The following LOC128462377 variants were observed in gnomAD, a reference collection of about 807,000 sequenced individuals.
chr16:89,350,480 A>C, the LOC128462377 span, among the ~76,000 whole-genome samples: 1 of 152,248 alleles, frequency 6.6e-6, no homozygotes, highest in Non-Finnish European at 1.5e-5. Context: ...GCTACTCAGT[A>C]AACTACTGAC....
chr16:89,380,805 G>A, the LOC128462377 span, among the ~76,000 whole-genome samples: 1 of 152,244 alleles, frequency 6.6e-6, no homozygotes, highest in Non-Finnish European at 1.5e-5. Flanking sequence ...ACCACCACGA[G>A]CACTGGGGCT....
the LOC128462377 span, among the ~76,000 whole-genome samples, chr16:89,388,803 C>T: frequency 1.3e-5 from 2 of 152,158 alleles, no homozygotes; most frequent in Non-Finnish European, 2.9e-5. Flanking sequence ...GAAGAAGGTT[C>T]TGGAAGGCAC....
chr16:89,388,292 G>GGTTTTTTTTTT, the LOC128462377 span, among the ~76,000 whole-genome samples: 1 of 61,052 alleles, frequency 1.6e-5, no homozygotes, highest in South Asian at 5.1e-4. Flanking sequence ...CCATGAGGCT[G>GGTTTTTTTTTT]ATTTTTTTTT....
the LOC128462377 span, among the ~76,000 whole-genome samples, chr16:89,322,757 C>T: frequency 1.3e-5 from 2 of 152,140 alleles, no homozygotes; most frequent in Non-Finnish European, 2.9e-5. Context: ...CACGTCGGCC[C>T]TGGGCACAGC....
chr16:89,317,649 C>T, the LOC128462377 span, among the ~76,000 whole-genome samples: 3 of 152,196 alleles, frequency 2.0e-5, no homozygotes, highest in Admixed American at 6.5e-5. Flanking sequence ...CCAGCAGCTC[C>T]GAGGTCCCAA....
At chr16:89,377,558 T>C in the LOC128462377 span, among the ~76,000 whole-genome samples, 13 of 152,144 alleles carry the variant, frequency 8.5e-5, no homozygotes, top group African/African-American at 2.7e-4. Flanking sequence ...CCAGAGAAAT[T>C]AGAAGACAAC....
chr16:89,411,899 C>A, the LOC128462377 span, among the ~76,000 whole-genome samples: 1 of 151,592 alleles, frequency 6.6e-6, no homozygotes, highest in East Asian at 1.9e-4. Flanking sequence ...TGTTCCATCC[C>A]TCCCCTCAGC....
the LOC128462377 span, among the ~76,000 whole-genome samples, chr16:89,318,143 C>T: frequency 0.038 from 5,745 of 152,316 alleles, 349 homozygotes; most frequent in East Asian, 0.26. Context: ...CTGCGACACA[C>T]GGTGCGAGCG....
chr16:89,341,576 C>A, the LOC128462377 span, among the ~76,000 whole-genome samples: 3 of 152,152 alleles, frequency 2.0e-5, no homozygotes, highest in African/African-American at 4.8e-5. Context: ...AAAAAAAATT[C>A]CAGATTAAAG....
At chr16:89,325,911 A>G in the LOC128462377 span, among the ~76,000 whole-genome samples, 1 of 152,266 alleles carries the variant, frequency 6.6e-6, no homozygotes, top group East Asian at 1.9e-4. Flanking sequence ...CAAGGGCATG[A>G]GCATGACGAC....
At chr16:89,405,905 T>A in the LOC128462377 span, among the ~76,000 whole-genome samples, 17 of 151,872 alleles carry the variant, frequency 1.1e-4, 1 homozygote, top group African/African-American at 4.1e-4. Context: ...AGGACAGGAG[T>A]TCGAGAGCAG....
At chr16:89,332,424 C>T in the LOC128462377 span, among the ~76,000 whole-genome samples, 9 of 152,186 alleles carry the variant, frequency 5.9e-5, no homozygotes, top group Non-Finnish European at 1.3e-4. Flanking sequence ...TACAGCTCCA[C>T]ACGTCCCTCC....
At chr16:89,386,196 C>T in the LOC128462377 span, among the ~76,000 whole-genome samples, 1 of 152,046 alleles carries the variant, frequency 6.6e-6, no homozygotes, top group African/African-American at 2.4e-5. Context: ...AAGTTTAAAA[C>T]AAAATGGAAA....
At chr16:89,344,870 C>A in the LOC128462377 span, among the ~76,000 whole-genome samples, 1 of 152,232 alleles carries the variant, frequency 6.6e-6, no homozygotes, top group Non-Finnish European at 1.5e-5. Context: ...TCTTCATCTT[C>A]AAGAGAACCT....
At chr16:89,333,519 C>G in the LOC128462377 span, among the ~76,000 whole-genome samples, 2 of 152,234 alleles carry the variant, frequency 1.3e-5, no homozygotes, top group African/African-American at 4.8e-5. Flanking sequence ...GCTGCACAAC[C>G]CTCCGTCCCT....
chr16:89,388,974 C>A, the LOC128462377 span, among the ~76,000 whole-genome samples: 1 of 152,238 alleles, frequency 6.6e-6, no homozygotes, highest in South Asian at 2.1e-4. Flanking sequence ...AATTATCCAG[C>A]ACATAATGAG....
the LOC128462377 span, among the ~76,000 whole-genome samples, chr16:89,347,425 C>T: frequency 6.6e-6 from 1 of 152,092 alleles, no homozygotes; most frequent in African/African-American, 2.4e-5. Context: ...CTGGCTAGCA[C>T]GGTGAAACCC....
the LOC128462377 span, among the ~76,000 whole-genome samples, chr16:89,394,278 G>A: frequency 2.0e-5 from 3 of 152,194 alleles, no homozygotes; most frequent in Non-Finnish European, 2.9e-5. Context: ...GCAGCCGTCC[G>A]CCTCTCCTCC....
At chr16:89,351,097 T>G in the LOC128462377 span, among the ~76,000 whole-genome samples, 1 of 152,216 alleles carries the variant, frequency 6.6e-6, no homozygotes, top group Non-Finnish European at 1.5e-5. Flanking sequence ...ATTTAAACTG[T>G]ACCTCAAAGA....
Sources: allele counts gnomAD v4.1 joint callset (sites outside exome capture counted in the v4.1 genomes callset), GRCh38; gene constraint gnomAD v4.1.1; transcripts MANE v1.5.